Variants in LPCAT2 observed in about 807,000 individuals in gnomAD.
The protein encoded by LPCAT2 is lysophosphatidylcholine acyltransferase 2.
LPCAT2 carries 58 observed loss-of-function variants against 64.7 expected under a neutral mutation model. The ratio of observed to expected loss-of-function variants is 0.90; its 90% CI spans 0.73 to 1.12. The LOEUF (loss-of-function observed/expected upper bound fraction) is 1.12. Ranked by LOEUF, LPCAT2 falls within the 50% of genes most tolerant of loss-of-function variation. LPCAT2 has a pLI of 0.00. For synonymous variants in LPCAT2, 252 were observed against 245.3 expected (o/e 1.03, Z -0.26); for missense variants, 579 against 669.8 (o/e 0.86, Z 1.50).
intron 8 of LPCAT2, among the ~76,000 whole-genome samples, chr16:55,543,718 C>G (rs1426841800): frequency 6.6e-6 from 1 of 152,084 alleles, no homozygotes; most frequent in African/African-American, 2.4e-5. Flanking sequence ...AATAGAGAGC[C>G]ACACACAGAA....
chr16:55,543,487 A>G (rs1460952205), intron 8 of LPCAT2, among the ~76,000 whole-genome samples: 1 of 152,126 alleles, frequency 6.6e-6, no homozygotes, highest in East Asian at 1.9e-4. Context: ...AAAAACTTTA[A>G]TTTCTTACAC....
At chr16:55,535,309 T>G (rs1160452298) in intron 7 of LPCAT2, among the ~76,000 whole-genome samples, 2 of 152,190 alleles carry the variant, frequency 1.3e-5, no homozygotes, top group African/African-American at 2.4e-5. Context: ...GTAGGCTTTT[T>G]TAGATAACTT....
chr16:55,567,187 T>G (rs1331534017), intron 11 of LPCAT2: 1 of 1,613,712 alleles, frequency 6.2e-7, no homozygotes, highest in Non-Finnish European at 8.5e-7. Context: ...TTTGAAGAAT[T>G]TAAGTATCTG....
At chr16:55,529,707 GT>G (rs1247491164) in intron 3 of LPCAT2, 127 bp from the exon 4 acceptor site, 3 of 448,130 alleles carry the variant, frequency 6.7e-6, no homozygotes, top group Non-Finnish European at 1.2e-5. Flanking sequence ...CTAATAAATT[GT>G]TTTTTAATTG....
At chr16:55,545,675 C>T (rs761603197) in intron 8 of LPCAT2, 60 bp from the exon 9 acceptor site, 5 of 1,036,646 alleles carry the variant, frequency 4.8e-6, no homozygotes, top group Non-Finnish European at 7.4e-6. Flanking sequence ...AATTAATTTA[C>T]TTGGCATTTA....
chr16:55,574,549 A>G (rs1963805465), intron 11 of LPCAT2, 82 bp from the exon 12 acceptor site: 9 of 937,524 alleles, frequency 9.6e-6, no homozygotes, highest in Non-Finnish European at 1.4e-5. Context: ...GCTATAAGAC[A>G]TACCTGAATT....
At chr16:55,530,070 A>G (rs1963232126) in intron 4 of LPCAT2, 123 bp downstream of exon 4, 5 of 600,884 alleles carry the variant, frequency 8.3e-6, no homozygotes, top group South Asian at 7.2e-5. Flanking sequence ...TATTGTTAGC[A>G]TAATAGATGC....
At chr16:55,523,579 A>G (rs553393955) in intron 1 of LPCAT2, among the ~76,000 whole-genome samples, 15 of 151,850 alleles carry the variant, frequency 9.9e-5, no homozygotes, top group Non-Finnish European at 1.9e-4. Context: ...CATACAATTG[A>G]ATAGTACTCT....
chr16:55,553,626 C>G (rs1963543093), intron 11 of LPCAT2, among the ~76,000 whole-genome samples: 1 of 152,212 alleles, frequency 6.6e-6, no homozygotes, highest in African/African-American at 2.4e-5. Flanking sequence ...TTGTAATTGG[C>G]TTCTTCCAAA....
intron 8 of LPCAT2, chr16:55,541,543 A>C (rs1749590974): frequency 5.3e-6 from 1 of 189,306 alleles, no homozygotes; most frequent in African/African-American, 2.4e-5. Context: ...CACACCCTAC[A>C]TATATACTTG....
At chr16:55,566,389 T>A (rs1963696561) in intron 11 of LPCAT2, among the ~76,000 whole-genome samples, 1 of 152,148 alleles carries the variant, frequency 6.6e-6, no homozygotes, top group South Asian at 2.1e-4. Context: ...CTTTTTCCTG[T>A]TAGGAAAATG....
intron 13 of LPCAT2, among the ~76,000 whole-genome samples, chr16:55,580,715 G>C (rs956266180): frequency 1.3e-5 from 2 of 152,110 alleles, no homozygotes; most frequent in African/African-American, 2.4e-5. Flanking sequence ...GACCGGTGCC[G>C]ATCTGTGGCC....
chr16:55,534,846 T>A (rs901176227), intron 7 of LPCAT2, among the ~76,000 whole-genome samples: 6 of 152,304 alleles, frequency 3.9e-5, no homozygotes, highest in East Asian at 3.9e-4. Context: ...ACTTACTATG[T>A]TGGTTTAAGC....
intron 1 of LPCAT2, among the ~76,000 whole-genome samples, chr16:55,525,164 A>G (rs1303628815): frequency 1.3e-5 from 2 of 152,026 alleles, no homozygotes; most frequent in African/African-American, 2.4e-5. Flanking sequence ...TTACTGCAAG[A>G]TTGTTCAGGC....
chr16:55,559,259 A>G (rs539818206), intron 11 of LPCAT2, among the ~76,000 whole-genome samples: 1 of 152,318 alleles, frequency 6.6e-6, no homozygotes, highest in East Asian at 1.9e-4. Flanking sequence ...CCTAACAAGT[A>G]CTTAGTTCTT....
chr16:55,550,330 C>T (rs1304887129), intron 10 of LPCAT2, among the ~76,000 whole-genome samples: 3 of 152,210 alleles, frequency 2.0e-5, no homozygotes, highest in East Asian at 1.9e-4. Flanking sequence ...TTTTTCATAA[C>T]TAATCTTGGA....
At chr16:55,571,124 A>T (rs1316781885) in intron 11 of LPCAT2, among the ~76,000 whole-genome samples, 1 of 152,214 alleles carries the variant, frequency 6.6e-6, no homozygotes, top group East Asian at 1.9e-4. Context: ...CATATCCTTA[A>T]ATTTTACTAA....
chr16:55,553,959 A>G (rs1360667214), intron 11 of LPCAT2, among the ~76,000 whole-genome samples: 1 of 152,200 alleles, frequency 6.6e-6, no homozygotes. Context: ...GTGCATTCTC[A>G]GTGAGCAGTA....
chr16:55,565,804 T>G (rs768293383), intron 11 of LPCAT2, among the ~76,000 whole-genome samples: 1 of 152,154 alleles, frequency 6.6e-6, no homozygotes, highest in Non-Finnish European at 1.5e-5. Flanking sequence ...GCAAATATAC[T>G]TAATGCCACT....
Sources: allele counts gnomAD v4.1 joint callset (sites outside exome capture counted in the v4.1 genomes callset), GRCh38; gene constraint gnomAD v4.1.1; transcripts MANE v1.5; gene names NCBI Gene and HGNC (gene_info 2026-07-23, HGNC 2026-07-21).